DCLK2: variants seen among roughly 807,000 people sequenced by gnomAD.
DCLK2 encodes the protein doublecortin like kinase 2.
Under a neutral mutation model 78.4 loss-of-function variants are expected in DCLK2, and 31 were observed. That is an observed-to-expected ratio of 0.40 (90% CI 0.30 to 0.53). The LOEUF (loss-of-function observed/expected upper bound fraction) is 0.53, where lower values mean the gene tolerates loss of function less well. Among genes scored for constraint, DCLK2 ranks in the 20% least tolerant of loss-of-function variants. The pLI, the probability that DCLK2 is intolerant of heterozygous loss-of-function variation, is 0.61. For synonymous variants in DCLK2, 407 were observed against 374.9 expected, an observed-to-expected ratio of 1.09 and a Z score of -0.99; for missense variants, 872 against 973.7, an observed-to-expected ratio of 0.90 and a Z score of 1.39.
At chr4:150,203,287 A>G (rs573689192) in intron 4 of DCLK2, among the ~76,000 whole-genome samples, 2 of 152,280 alleles carry the variant, frequency 1.3e-5, no homozygotes, top group South Asian at 4.1e-4. Context: ...CTACCAGCAA[A>G]TTTTCCCTTT....
At chr4:150,133,503 A>AGTGGCAAAGTAAGTTT (rs1733475223) in intron 2 of DCLK2, among the ~76,000 whole-genome samples, 1 of 152,252 alleles carries the variant, frequency 6.6e-6, no homozygotes, top group Non-Finnish European at 1.5e-5. Flanking sequence ...ACCACCTATC[A>AGTGGCAAAGTAAGTTT]ACATGGCAAA....
chr4:150,224,319 A>G (rs1220385509), intron 7 of DCLK2, among the ~76,000 whole-genome samples, 182 bp from the exon 8 acceptor site: 4 of 151,554 alleles, frequency 2.6e-5, no homozygotes, highest in Non-Finnish European at 5.9e-5. Flanking sequence ...TGTAATCCCA[A>G]CACTTTGGGA....
chr4:150,158,115 GAGA>G (rs1268182361), intron 2 of DCLK2, among the ~76,000 whole-genome samples: 1 of 152,176 alleles, frequency 6.6e-6, no homozygotes, highest in Non-Finnish European at 1.5e-5. Flanking sequence ...TTCTGGAGAT[GAGA>G]AGAAGTTCAA....
At chr4:150,122,621 G>A (rs1732634545) in intron 2 of DCLK2, among the ~76,000 whole-genome samples, 1 of 152,194 alleles carries the variant, frequency 6.6e-6, no homozygotes, top group African/African-American at 2.4e-5. Context: ...GGGGCTAGGG[G>A]AGGGAGAGCA....
Position 150,256,337 on chromosome 4 carries a change from T to C in DCLK2, c.*90T>C. On this transcript the variant is annotated 3_prime_UTR_variant, in exon 16 of 16. Coordinates refer to ENST00000296550, the MANE Select transcript of DCLK2 (RefSeq NM_001040260.4). ...CCGGCCTCCCTGCTGCAGGCCTCCC[T>C]CTCTTCACCGCCTGCGCCTGAGTTC... 1 of 1,428,504 alleles carries C rather than the reference T, an allele frequency of 7.0e-7. No homozygotes were observed. The highest frequency in any genetic ancestry group is 2.5e-5 in the East Asian group (1 of 39,840). 88.5% of individuals were successfully genotyped at this position (1,428,504 alleles called of 1,614,324 possible).
At chr4:150,196,935 C>T (rs2126413401) in intron 3 of DCLK2, among the ~76,000 whole-genome samples, 1 of 152,260 alleles carries the variant, frequency 6.6e-6, no homozygotes, top group Admixed American at 6.5e-5. Context: ...CAGCAGATCA[C>T]CTGAGATGAG....
At chr4:150,202,857 T>G (rs562352054) in intron 4 of DCLK2, among the ~76,000 whole-genome samples, 1 of 152,312 alleles carries the variant, frequency 6.6e-6, no homozygotes, top group Non-Finnish European at 1.5e-5. Flanking sequence ...GTGAAATTAC[T>G]GCAGAAATAG....
chr4:150,127,231 G>A (rs1371742026), intron 2 of DCLK2, among the ~76,000 whole-genome samples: 2 of 152,138 alleles, frequency 1.3e-5, no homozygotes, highest in Non-Finnish European at 2.9e-5. Flanking sequence ...CTTTGAGAGT[G>A]TGCAATACCT....
intron 2 of DCLK2, among the ~76,000 whole-genome samples, chr4:150,129,380 G>C (rs765269866): frequency 3.3e-5 from 5 of 151,952 alleles, no homozygotes; most frequent in Non-Finnish European, 7.4e-5. Context: ...CTACGCTTTG[G>C]CTAATCATAT....
chr4:150,251,891 C>T (rs1438706977), intron 15 of DCLK2, among the ~76,000 whole-genome samples: 1 of 151,622 alleles, frequency 6.6e-6, no homozygotes, highest in Non-Finnish European at 1.5e-5. Flanking sequence ...CTCTGTGTGT[C>T]CTTGCAACTC....
At chr4:150,157,511 TTGTTTGTTTGTTTG>T (rs1735391947) in intron 2 of DCLK2, among the ~76,000 whole-genome samples, 1 of 146,378 alleles carries the variant, frequency 6.8e-6, no homozygotes, top group Non-Finnish European at 1.5e-5. Flanking sequence ...GTTTGTTTGT[TTGTTTGTTTGTTTG>T]TTTTTGAGCT....
rs115930058 is a variant in DCLK2 at position 150,156,481 on chromosome 4, C to T, written c.757-36657C>T. 5.0e-3 allele frequency among the ~76,000 whole-genome samples: 611 copies of T among 121,172 alleles called. 7 individuals are homozygous for T. Among genetic ancestry groups the T allele is most frequent in the African/African-American group, 0.019 (599 of 32,346 alleles). The allele number at this position is 121,172 out of a possible 152,430, so 79.5% of individuals were successfully genotyped here. A position where few individuals can be genotyped will look rare whatever the true frequency, so the allele number is the denominator to read the frequency against. ...GGGCAACATAGTGAGGCCGTCTCTA[C>T]CAAAATAAATAAATAAATAAATAAA... On this transcript the variant is annotated intron_variant, in intron 2 of 15. Coordinates refer to ENST00000296550, the MANE Select transcript of DCLK2 (RefSeq NM_001040260.4).
Position 150,174,098 on chromosome 4 carries a change from G to C in DCLK2, c.757-19040G>C, listed in dbSNP as rs115650604. Among the ~76,000 whole-genome samples, 640 of 152,244 alleles carry C rather than the reference G, an allele frequency of 4.2e-3. 5 individuals are homozygous for C. The highest frequency in any genetic ancestry group is 0.014 in the African/African-American group (583 of 41,546). On this transcript the variant is annotated intron_variant, in intron 2 of 15. Transcript: ENST00000296550. ...ACCCAGGAAATGAACTCCGGGAATG[G>C]CAGTCACCACTACTCAGATAAAACT...
chr4:150,146,746 A>G (rs1398346574), intron 2 of DCLK2, among the ~76,000 whole-genome samples: 1 of 152,192 alleles, frequency 6.6e-6, no homozygotes, highest in Non-Finnish European at 1.5e-5. Flanking sequence ...CCTCAGATAT[A>G]TGAGTTCTGT....
At chr4:150,191,193 G>A (rs1738423528) in intron 2 of DCLK2, among the ~76,000 whole-genome samples, 1 of 152,104 alleles carries the variant, frequency 6.6e-6, no homozygotes, top group African/African-American at 2.4e-5. Flanking sequence ...TGACTTGGCT[G>A]TTGGGTGAAC....
intron 2 of DCLK2, among the ~76,000 whole-genome samples, chr4:150,128,417 G>A (rs192559627): frequency 1.3e-5 from 2 of 152,248 alleles, no homozygotes; most frequent in Non-Finnish European, 2.9e-5. Context: ...ACAAGATTAT[G>A]TAGCGCATAC....
chr4:150,248,282 C>G (rs754152237), intron 13 of DCLK2, 23 bp from the exon 14 acceptor site: 2 of 1,605,498 alleles, frequency 1.2e-6, no homozygotes, highest in African/African-American at 1.3e-5. Context: ...CCTCTGTGGT[C>G]TGACTTGTTT....
chr4:150,184,601 C>CT (rs746012032), intron 2 of DCLK2, among the ~76,000 whole-genome samples: 48 of 43,974 alleles, frequency 1.1e-3, no homozygotes, highest in South Asian at 4.9e-3. Flanking sequence ...TCTTCTTCTT[C>CT]TTTTTTTTTT....
intron 5 of DCLK2, among the ~76,000 whole-genome samples, chr4:150,205,795 C>T (rs1009730264): frequency 6.6e-6 from 1 of 152,234 alleles, no homozygotes; most frequent in African/African-American, 2.4e-5. Flanking sequence ...CGAGTGGCTC[C>T]TAGAGCTGGT....
Sources: gnomAD v4.1 joint callset for allele counts (sites outside exome capture counted in the v4.1 genomes callset) on GRCh38, gnomAD v4.1.1 for gene constraint, MANE v1.5 for transcripts, NCBI Gene and HGNC (gene_info 2026-07-23, HGNC 2026-07-21) for gene names.